The following GSK3B variants were observed in gnomAD, a reference collection of about 807,000 sequenced individuals.
The protein encoded by GSK3B is glycogen synthase kinase 3 beta, also known as glycogen synthase kinase-3 beta.
Under a neutral mutation model 56.4 loss-of-function variants are expected in GSK3B, and 15 were observed. That is an observed-to-expected ratio of 0.27 (90% CI 0.18 to 0.41). The LOEUF is 0.41. GSK3B is among the 10% of genes least tolerant of loss of function. GSK3B has a pLI of 1.00. For missense variants in GSK3B, 300 were observed against 513.4 expected, an observed-to-expected ratio of 0.58 and a Z score of 4.02; for synonymous variants, 181 against 188.9, an observed-to-expected ratio of 0.96 and a Z score of 0.34.
chr3:119,912,578 A>C, intron 6 of GSK3B, 126 bp downstream of exon 6: 1 of 460,376 alleles, frequency 2.2e-6, no homozygotes, highest in Non-Finnish European at 3.9e-6. Flanking sequence ...TCAAGCTTTA[A>C]GAAAAAAAAC....
chr3:119,963,624 A>C (rs9830709), intron 2 of GSK3B, among the ~76,000 whole-genome samples: 7 of 117,756 alleles, frequency 5.9e-5, no homozygotes, highest in Non-Finnish European at 1.0e-4. Flanking sequence ...CTTCTTCCCC[A>C]CAAAAAAAAA....
intron 7 of GSK3B, among the ~76,000 whole-genome samples, chr3:119,877,021 CA>C (rs897116021): frequency 1.3e-5 from 2 of 152,118 alleles, no homozygotes; most frequent in African/African-American, 4.8e-5. Context: ...ACAAAACAGA[CA>C]AAGGCAAACA....
At chr3:119,928,612 T>TAAAAAAAAAAAAAAA (rs1160252679) in intron 3 of GSK3B, among the ~76,000 whole-genome samples, 5 of 67,044 alleles carry the variant, frequency 7.5e-5, no homozygotes, top group Middle Eastern at 0.013. Flanking sequence ...ATCAAAAAAA[T>TAAAAAAAAAAAAAAA]AAAAAAAAAA....
chr3:120,005,294 C>T (rs957047687), intron 1 of GSK3B, among the ~76,000 whole-genome samples: 22 of 152,200 alleles, frequency 1.4e-4, no homozygotes, highest in African/African-American at 5.3e-4. Flanking sequence ...ACCAAATCTA[C>T]GTTTGAATGG....
intron 9 of GSK3B, among the ~76,000 whole-genome samples, chr3:119,862,206 G>A (rs1028927686): frequency 2.2e-4 from 33 of 147,474 alleles, no homozygotes; most frequent in African/African-American, 7.5e-4. Context: ...AAAAAATGAT[G>A]AGTTCATATC....
At chr3:120,007,294 G>A (rs2057738224) in intron 1 of GSK3B, among the ~76,000 whole-genome samples, 1 of 152,082 alleles carries the variant, frequency 6.6e-6, no homozygotes, top group Non-Finnish European at 1.5e-5. Context: ...AAAAAGTCCA[G>A]GACCAGACAA....
intron 2 of GSK3B, among the ~76,000 whole-genome samples, chr3:119,949,462 G>A (rs180735248): frequency 6.6e-6 from 1 of 152,266 alleles, no homozygotes; most frequent in African/African-American, 2.4e-5. Flanking sequence ...CCTAGTAGTG[G>A]TGGGCTTGGC....
chr3:119,992,878 G>C (rs2057578108), intron 2 of GSK3B, among the ~76,000 whole-genome samples: 1 of 151,962 alleles, frequency 6.6e-6, no homozygotes, highest in Non-Finnish European at 1.5e-5. Context: ...ACTATAATGA[G>C]ATACCATTTC....
intron 2 of GSK3B, among the ~76,000 whole-genome samples, chr3:119,990,099 C>G (rs2057550344): frequency 6.6e-6 from 1 of 152,120 alleles, no homozygotes; most frequent in Non-Finnish European, 1.5e-5. Flanking sequence ...GACCATAAAC[C>G]ACAAATAACA....
intron 2 of GSK3B, among the ~76,000 whole-genome samples, chr3:119,987,610 G>GT (rs2057528432): frequency 6.6e-6 from 1 of 151,976 alleles, no homozygotes; most frequent in African/African-American, 2.4e-5. Flanking sequence ...AGCACAATGG[G>GT]TTTTTCTTAA....
intron 2 of GSK3B, among the ~76,000 whole-genome samples, chr3:119,985,663 C>T (rs1476839264): frequency 6.6e-6 from 1 of 152,038 alleles, no homozygotes; most frequent in Non-Finnish European, 1.5e-5. Context: ...AACTACAAAC[C>T]ACTGCTCAAC....
intron 2 of GSK3B, among the ~76,000 whole-genome samples, chr3:119,950,643 G>A (rs1175286186): frequency 1.3e-5 from 2 of 152,160 alleles, no homozygotes; most frequent in Non-Finnish European, 2.9e-5. Flanking sequence ...GAGATTTCCA[G>A]GTACAGCAGA....
At chr3:119,869,594 A>AAGCCTT (rs1371362585) in intron 8 of GSK3B, among the ~76,000 whole-genome samples, 1 of 152,240 alleles carries the variant, frequency 6.6e-6, no homozygotes, top group Non-Finnish European at 1.5e-5. Flanking sequence ...TACTAATTAA[A>AAGCCTT]AGCCTTATCG....
At chr3:119,910,144 T>C in intron 6 of GSK3B, among the ~76,000 whole-genome samples, 1 of 151,836 alleles carries the variant, frequency 6.6e-6, no homozygotes, top group Admixed American at 6.6e-5. Flanking sequence ...AATAAGAAAG[T>C]AAAAAAAAGT....
chr3:119,884,752 T>C (rs1308721713), intron 7 of GSK3B, among the ~76,000 whole-genome samples: 4 of 152,136 alleles, frequency 2.6e-5, no homozygotes, highest in Non-Finnish European at 5.9e-5. Flanking sequence ...TATAAAGGTT[T>C]TGTAAGATCA....
intron 2 of GSK3B, among the ~76,000 whole-genome samples, chr3:119,957,970 G>A (rs1243997974): frequency 3.3e-5 from 5 of 152,062 alleles, no homozygotes; most frequent in Admixed American, 3.3e-4. Context: ...TTGGCTCCAC[G>A]TCCCCACCCA....
At chr3:119,939,568 T>C (rs1279192315) in intron 3 of GSK3B, among the ~76,000 whole-genome samples, 3 of 152,130 alleles carry the variant, frequency 2.0e-5, no homozygotes, top group African/African-American at 7.2e-5. Context: ...CTATGATTTA[T>C]CCCTGTTTTA....
At chr3:120,002,614 A>G (rs1200613931) in intron 1 of GSK3B, among the ~76,000 whole-genome samples, 1 of 152,232 alleles carries the variant, frequency 6.6e-6, no homozygotes, top group Non-Finnish European at 1.5e-5. Context: ...CTGGGATTAC[A>G]GGCATCAGCC....
At chr3:119,876,563 T>A in intron 7 of GSK3B, 55 bp from the exon 8 acceptor site, 1 of 985,046 alleles carries the variant, frequency 1.0e-6, no homozygotes, top group Non-Finnish European at 1.6e-6. Flanking sequence ...AAATTTAGTC[T>A]CCATGTTTTC....
Sources: allele counts gnomAD v4.1 joint callset (sites outside exome capture counted in the v4.1 genomes callset), GRCh38; gene constraint gnomAD v4.1.1; transcripts MANE v1.5; gene names NCBI Gene and HGNC (gene_info 2026-07-23, HGNC 2026-07-21).